RAP1GAP: variants seen among roughly 807,000 people sequenced by gnomAD.
RAP1GAP encodes the protein RAP1 GTPase activating protein.
A neutral mutation model predicts 87.2 loss-of-function variants in RAP1GAP; 35 were observed. The observed-to-expected ratio is 0.40, with a 90% CI of 0.31 to 0.53. The LOEUF (loss-of-function observed/expected upper bound fraction) is 0.53, where lower values mean the gene tolerates loss of function less well. RAP1GAP is among the 20% of genes least tolerant of loss of function. The pLI is 0.48. For missense variants in RAP1GAP, 734 were observed against 898.9 expected, an observed-to-expected ratio of 0.82 and a Z score of 2.35; for synonymous variants, 375 against 363.9, an observed-to-expected ratio of 1.03 and a Z score of -0.35.
At chr1:21,653,915 C>T (rs926639618) in intron 1 of RAP1GAP, among the ~76,000 whole-genome samples, 3 of 152,156 alleles carry the variant, frequency 2.0e-5, no homozygotes, top group Non-Finnish European at 2.9e-5. Flanking sequence ...GGGCCGCCAA[C>T]GTGGCAAGTT....
At chr1:21,664,648 T>G (rs561282454) in intron 1 of RAP1GAP, among the ~76,000 whole-genome samples, 1 of 152,342 alleles carries the variant, frequency 6.6e-6, no homozygotes, top group Non-Finnish European at 1.5e-5. Flanking sequence ...AGGAGGAAAC[T>G]TACCCAGCTC....
intron 1 of RAP1GAP, among the ~76,000 whole-genome samples, chr1:21,657,758 C>G (rs977636669): frequency 1.3e-5 from 2 of 152,224 alleles, no homozygotes; most frequent in Non-Finnish European, 2.9e-5. Flanking sequence ...GTGGCCCCAG[C>G]TCTGCTGGCA....
In RAP1GAP at chr1:21,613,148, A is replaced by C; in HGVS notation, c.528+28T>G. ...GTCTTCCAGTTACTCACCCACCCTC[A>C]GTGAGCTGTGCCCAGATCCAGCCAT... On this transcript the variant is annotated intron_variant, in intron 10 of 24. Coordinates refer to ENST00000374765, the MANE Select transcript of RAP1GAP (RefSeq NM_002885.4). This position sits in a 1 kb window ranked among gnomAD's most constrained non-coding sequence, Gnocchi z 4.7. 1 of 1,526,754 alleles carries C rather than the reference A, an allele frequency of 6.5e-7. No individual in the cohort carries two copies. The highest frequency in any genetic ancestry group is 9.1e-7 in the Non-Finnish European group (1 of 1,100,608). 94.6% of individuals were successfully genotyped at this position (1,526,754 alleles called of 1,614,324 possible). A position where few individuals can be genotyped will look rare whatever the true frequency, so the allele number is the denominator to read the frequency against.
chr1:21,642,331 C>T (rs1197248996), intron 2 of RAP1GAP, among the ~76,000 whole-genome samples: 3 of 152,252 alleles, frequency 2.0e-5, no homozygotes, highest in African/African-American at 7.2e-5. Flanking sequence ...CTGGCATCGA[C>T]GGAGTACGTG....
chr1:21,626,207 T>C, intron 3 of RAP1GAP, 97 bp downstream of exon 3: 7 of 1,139,298 alleles, frequency 6.1e-6, no homozygotes, highest in South Asian at 5.2e-5. Flanking sequence ...ACATTTTACC[T>C]TTGCCCAAAA....
Position 21,603,413 on chromosome 1 carries a change from A to T in RAP1GAP, c.1429-500T>A. On this transcript the variant is annotated intron_variant, in intron 18 of 24. Coordinates refer to ENST00000374765, the MANE Select transcript of RAP1GAP (RefSeq NM_002885.4). The surrounding 1 kb of genome is among the most constrained non-coding windows in gnomAD (Gnocchi z 6.0). ...ACTGTGCTGGGATGCCCCAGGCCCC[A>T]GAAGCCCGCCCCCAGCTTCTCTGGA... 1.8e-6 allele frequency: 1 copy of T among 549,092 alleles called. No individual in the cohort carries two copies. Among genetic ancestry groups the T allele is most frequent in the Non-Finnish European group, 3.2e-6 (1 of 308,090 alleles). The allele number at this position is 549,092 out of a possible 1,614,324, so 34.0% of individuals were successfully genotyped here. A position where few individuals can be genotyped will look rare whatever the true frequency, so the allele number is the denominator to read the frequency against.
At chr1:21,653,910 G>A (rs1327679125) in intron 1 of RAP1GAP, among the ~76,000 whole-genome samples, 3 of 152,140 alleles carry the variant, frequency 2.0e-5, no homozygotes, top group Non-Finnish European at 2.9e-5. Flanking sequence ...CCAAGGGGCC[G>A]CCAACGTGGC....
In RAP1GAP at chr1:21,603,807, C is replaced by G. The variant is rs746769595; in HGVS notation, c.1429-894G>C. 2.5e-6 allele frequency: 4 copies of G among 1,601,890 alleles called. No homozygotes were observed. The highest frequency in any genetic ancestry group is 2.6e-6 in the Non-Finnish European group (3 of 1,169,772). On this transcript the variant is annotated intron_variant, in intron 18 of 24. Coordinates refer to ENST00000374765, the MANE Select transcript of RAP1GAP (RefSeq NM_002885.4). This position sits in a 1 kb window ranked among gnomAD's most constrained non-coding sequence, Gnocchi z 6.0. ...GAGAACAGCGCGTGCAGGCAGCCTC[C>G]AGAGCCGGCGGCCCCGCGGACGACA...
rs758711330 is a variant in RAP1GAP at position 21,609,596 on chromosome 1, C to T, written c.1050G>A (p.Pro350=). The T allele has an allele frequency of 3.1e-5, 48 of 1,573,282 alleles. No individual in the cohort carries two copies. Among genetic ancestry groups the T allele is most frequent in the South Asian group, 1.9e-4 (16 of 82,178 alleles). Residue 350 remains proline (P), a synonymous_variant, in exon 15 of 25, where the codon CCG becomes CCA. Transcript: ENST00000374765. The surrounding 1 kb of genome is among the most constrained non-coding windows in gnomAD (Gnocchi z 4.4). ...TCACCTTCCTGAACACAGCGGGGTC[C>T]GGGAGGGGGGGTCCAAAGAAGGGCA... ...DDVPFFGPPL[P]DPAVFRKGPE...
intron 2 of RAP1GAP, among the ~76,000 whole-genome samples, chr1:21,627,603 C>T (rs1335086282): frequency 6.6e-6 from 1 of 151,748 alleles, no homozygotes; most frequent in Non-Finnish European, 1.5e-5. Flanking sequence ...TTAGTAGAGA[C>T]GGGGTTTCTC....
At chr1:21,645,176 T>A (rs1314401137) in intron 2 of RAP1GAP, among the ~76,000 whole-genome samples, 2 of 152,148 alleles carry the variant, frequency 1.3e-5, no homozygotes, top group Non-Finnish European at 2.9e-5. Context: ...GATGAATAAA[T>A]GATGAACAAA....
At chr1:21,663,985 A>G (rs1489606933) in intron 1 of RAP1GAP, among the ~76,000 whole-genome samples, 2 of 152,052 alleles carry the variant, frequency 1.3e-5, no homozygotes, top group Non-Finnish European at 1.5e-5. Flanking sequence ...GCTTCAACTC[A>G]TGGGAGCTGT....
intron 2 of RAP1GAP, among the ~76,000 whole-genome samples, chr1:21,633,539 G>A (rs6671920): frequency 0.1 from 15,814 of 152,232 alleles, 1,132 homozygotes; most frequent in East Asian, 0.23. Context: ...GCAGGGGAAT[G>A]GGGATCTGGA....
At chr1:21,626,489 G>T in intron 2 of RAP1GAP, 92 bp from the exon 3 acceptor site, 1 of 1,060,188 alleles carries the variant, frequency 9.4e-7, no homozygotes. Flanking sequence ...GGGGATGTGA[G>T]GGAGGATAGA....
At chr1:21,626,483 A>G in intron 2 of RAP1GAP, 86 bp from the exon 3 acceptor site, 1 of 1,111,972 alleles carries the variant, frequency 9.0e-7, no homozygotes, top group Non-Finnish European at 1.4e-6. Flanking sequence ...GAGCTGGGGG[A>G]TGTGAGGGAG....
intron 2 of RAP1GAP, among the ~76,000 whole-genome samples, chr1:21,633,884 G>C (rs1004214970): frequency 6.6e-6 from 1 of 152,056 alleles, no homozygotes; most frequent in Admixed American, 6.5e-5. Flanking sequence ...TGAGGACAAG[G>C]GCACAGACCT....
intron 1 of RAP1GAP, among the ~76,000 whole-genome samples, chr1:21,662,705 G>C (rs1392300562): frequency 6.6e-6 from 1 of 151,934 alleles, no homozygotes; most frequent in Non-Finnish European, 1.5e-5. Flanking sequence ...GATTCTGTAT[G>C]GCGCCCTCCC....
Position 21,602,905 on chromosome 1 carries a change from A to T in RAP1GAP, c.1437T>A (p.Ile479=). 1 of 1,609,104 alleles carries T rather than the reference A, an allele frequency of 6.2e-7. No individual in the cohort carries two copies. The highest frequency in any genetic ancestry group is 8.5e-7 in the Non-Finnish European group (1 of 1,178,452). ...TCCTCGTGGGGCTCTTCCCAGGGAC[A>T]ATCAGTGACTGTGGGGAGAGGCCCC... ...DLAKAAGISL[I]VPGKSPTRKK... Residue 479 remains isoleucine, a synonymous_variant, in exon 19 of 25, where the codon ATT becomes ATA. Coordinates refer to ENST00000374765, the MANE Select transcript of RAP1GAP (RefSeq NM_002885.4).
chr1:21,646,950 A>G (rs1252632169), intron 2 of RAP1GAP, among the ~76,000 whole-genome samples: 1 of 152,096 alleles, frequency 6.6e-6, no homozygotes, highest in Non-Finnish European at 1.5e-5. Flanking sequence ...ACCAGGACTC[A>G]CTGCTCCTTT....
Sources: gnomAD v4.1 joint callset for allele counts (sites outside exome capture counted in the v4.1 genomes callset) on GRCh38, gnomAD v4.1.1 for gene constraint, Gnocchi (gnomAD v3.1) non-coding constraint, MANE v1.5 for transcripts, NCBI Gene and HGNC (gene_info 2026-07-23, HGNC 2026-07-21) for gene names.